Variants in NLGN1 observed in about 807,000 individuals in gnomAD.
The protein encoded by NLGN1 is neuroligin 1.
A neutral mutation model predicts 65.5 loss-of-function variants in NLGN1; 12 were observed. The observed-to-expected ratio is 0.18, with a 90% confidence interval of 0.12 to 0.30. The LOEUF is 0.30. NLGN1 is among the 10% of genes least tolerant of loss of function. The pLI is 1.00. For synonymous variants in NLGN1, 350 were observed against 359.5 expected (o/e 0.97, Z 0.30); for missense variants, 750 against 1,007.1 (o/e 0.74, Z 3.46).
At chr3:173,409,617 C>T (rs931761710) in intron 1 of NLGN1, among the ~76,000 whole-genome samples, 3 of 152,194 alleles carry the variant, frequency 2.0e-5, no homozygotes, top group African/African-American at 4.8e-5. Flanking sequence ...CTCTTACACA[C>T]GTCTCTTACA....
intron 4 of NLGN1, among the ~76,000 whole-genome samples, chr3:173,914,059 T>G (rs1343344464): frequency 2.0e-5 from 3 of 152,124 alleles, no homozygotes; most frequent in African/African-American, 7.2e-5. Context: ...CTCATGAAAT[T>G]GAAATTTGGT....
At chr3:173,467,106 A>G (rs1724498634) in intron 2 of NLGN1, among the ~76,000 whole-genome samples, 1 of 152,164 alleles carries the variant, frequency 6.6e-6, no homozygotes, top group Non-Finnish European at 1.5e-5. Flanking sequence ...GATTTAATTT[A>G]ATTCCATCTT....
intron 2 of NLGN1, among the ~76,000 whole-genome samples, chr3:173,458,513 C>A (rs116489688): frequency 0.028 from 4,227 of 152,058 alleles, 206 homozygotes; most frequent in African/African-American, 0.094. Context: ...CTCTTAAAAA[C>A]CAAACCAAAC....
chr3:173,823,424 A>T (rs922228643), intron 4 of NLGN1, among the ~76,000 whole-genome samples: 1 of 152,038 alleles, frequency 6.6e-6, no homozygotes. Flanking sequence ...GTCAACATAA[A>T]TTTATTACCA....
chr3:173,720,832 A>T (rs1395875621), intron 3 of NLGN1, among the ~76,000 whole-genome samples: 1 of 152,204 alleles, frequency 6.6e-6, no homozygotes, highest in African/African-American at 2.4e-5. Context: ...TGATACCTGC[A>T]CTTGCGTGTC....
chr3:173,998,758 T>C (rs34323686), intron 4 of NLGN1, among the ~76,000 whole-genome samples: 1 of 152,168 alleles, frequency 6.6e-6, no homozygotes, highest in Non-Finnish European at 1.5e-5. Flanking sequence ...GACTGCTCCT[T>C]TCAGGATACC....
At chr3:174,021,986 A>G (rs1273992707) in intron 4 of NLGN1, among the ~76,000 whole-genome samples, 2 of 152,094 alleles carry the variant, frequency 1.3e-5, no homozygotes, top group Non-Finnish European at 2.9e-5. Flanking sequence ...AGGGGCAGAA[A>G]TCTGAGAAGA....
At chr3:173,895,299 T>A (rs1421101251) in intron 4 of NLGN1, among the ~76,000 whole-genome samples, 2 of 152,234 alleles carry the variant, frequency 1.3e-5, no homozygotes, top group East Asian at 1.9e-4. Flanking sequence ...GGTAATATAG[T>A]CACAGGTTCT....
intron 3 of NLGN1, among the ~76,000 whole-genome samples, chr3:173,634,884 G>A (rs1188265264): frequency 2.0e-5 from 3 of 152,086 alleles, no homozygotes; most frequent in Admixed American, 1.3e-4. Flanking sequence ...GTCAGGGAAG[G>A]ATCCCTTGAG....
At chr3:173,627,281 CA>C (rs1754970336) in intron 3 of NLGN1, among the ~76,000 whole-genome samples, 1 of 152,130 alleles carries the variant, frequency 6.6e-6, no homozygotes, top group Non-Finnish European at 1.5e-5. Context: ...TAAGATTCCA[CA>C]TATCAATGAG....
chr3:173,915,994 C>T (rs1740655101), intron 4 of NLGN1, among the ~76,000 whole-genome samples: 1 of 152,108 alleles, frequency 6.6e-6, no homozygotes, highest in African/African-American at 2.4e-5. Context: ...TTTAATGTGG[C>T]GCTCCAAACA....
At chr3:174,089,329 C>T (rs942466831) in intron 4 of NLGN1, among the ~76,000 whole-genome samples, 6 of 152,104 alleles carry the variant, frequency 3.9e-5, no homozygotes, top group Admixed American at 6.5e-5. Flanking sequence ...ATTCTCAGTA[C>T]GTGGTTCTTC....
intron 4 of NLGN1, among the ~76,000 whole-genome samples, chr3:173,858,272 A>G (rs564911519): frequency 3.3e-5 from 5 of 152,216 alleles, no homozygotes; most frequent in East Asian, 1.9e-4. Flanking sequence ...GTGAAGAAAA[A>G]TGAGTTCTGT....
At chr3:173,530,843 T>G (rs887148643) in intron 2 of NLGN1, among the ~76,000 whole-genome samples, 9 of 152,150 alleles carry the variant, frequency 5.9e-5, no homozygotes, top group Non-Finnish European at 1.2e-4. Flanking sequence ...ATAATTATAT[T>G]TAAATGCTCT....
At chr3:173,640,302 T>C (rs1290283266) in intron 3 of NLGN1, among the ~76,000 whole-genome samples, 1 of 152,162 alleles carries the variant, frequency 6.6e-6, no homozygotes, top group Non-Finnish European at 1.5e-5. Context: ...TCTTCAAAAA[T>C]TTAATTTTTG....
At chr3:173,785,146 G>A (rs202030536) in intron 3 of NLGN1, among the ~76,000 whole-genome samples, 2 of 152,090 alleles carry the variant, frequency 1.3e-5, no homozygotes, top group East Asian at 3.9e-4. Context: ...TTCAAAAGCC[G>A]CCCCACTTCC....
At chr3:173,803,162 A>G (rs1715829478) in intron 3 of NLGN1, among the ~76,000 whole-genome samples, 1 of 152,158 alleles carries the variant, frequency 6.6e-6, no homozygotes, top group Non-Finnish European at 1.5e-5. Flanking sequence ...CTTTAAGACA[A>G]TTCCATAGTT....
chr3:173,973,358 T>G (rs1282430601), intron 4 of NLGN1, among the ~76,000 whole-genome samples: 1 of 152,098 alleles, frequency 6.6e-6, no homozygotes, highest in Admixed American at 6.6e-5. Flanking sequence ...CCAGGAGTCC[T>G]GTTGTCTTTT....
chr3:173,817,114 C>T (rs187360696), intron 4 of NLGN1, among the ~76,000 whole-genome samples: 4 of 152,168 alleles, frequency 2.6e-5, no homozygotes, highest in Admixed American at 1.3e-4. Context: ...GGTCATAAAG[C>T]GGAGAAGGCA....
Sources: allele counts gnomAD v4.1 joint callset (sites outside exome capture counted in the v4.1 genomes callset), GRCh38; gene constraint gnomAD v4.1.1; transcripts MANE v1.5; gene names NCBI Gene and HGNC (gene_info 2026-07-23, HGNC 2026-07-21).